ATP9B: variants seen among roughly 807,000 people sequenced by gnomAD.
ATP9B encodes the protein probable phospholipid-transporting ATPase IIB.
ATP9B carries 110 observed loss-of-function variants against 146.1 expected under a neutral mutation model. That is an observed-to-expected ratio of 0.75 (90% CI 0.65 to 0.88). The LOEUF (loss-of-function observed/expected upper bound fraction) is 0.88, where lower values mean the gene tolerates loss of function less well. ATP9B is among the 40% of genes least tolerant of loss of function. ATP9B has a pLI of 0.00. For missense variants in ATP9B, 1,499 were observed against 1,496.4 expected (o/e 1.00, Z -0.03); for synonymous variants, 604 against 569.7 (o/e 1.06, Z -0.86).
chr18:79,170,428 G>T (rs563521146), intron 7 of ATP9B, among the ~76,000 whole-genome samples: 5 of 152,282 alleles, frequency 3.3e-5, no homozygotes, highest in African/African-American at 7.2e-5. Flanking sequence ...GTTAAGTCCA[G>T]TTACTTGCAT....
chr18:79,182,301 G>T (rs1472976764), intron 8 of ATP9B, among the ~76,000 whole-genome samples: 2 of 152,126 alleles, frequency 1.3e-5, no homozygotes, highest in Non-Finnish European at 2.9e-5. Flanking sequence ...GTTCTCCTCC[G>T]GCCGGACATA....
chr18:79,178,408 G>T (rs1302483836), intron 8 of ATP9B, among the ~76,000 whole-genome samples: 1 of 152,102 alleles, frequency 6.6e-6, no homozygotes, highest in Non-Finnish European at 1.5e-5. Context: ...GTTGTTTTGT[G>T]TGCTTGTTTG....
rs563342674 is a variant in ATP9B, at chr18:79,313,243, A to G, written c.1773+6009A>G. On this transcript the variant is annotated intron_variant, in intron 15 of 29. Coordinates refer to ENST00000426216, the MANE Select transcript of ATP9B (RefSeq NM_198531.5). ...CTGAGCGAAGAGGCGTAGTTCCACA[A>G]TCATAAGCAAATATGGGCATTTAGA... Among the ~76,000 whole-genome samples, 7 of 152,356 alleles carry G rather than the reference A, an allele frequency of 4.6e-5. No homozygotes were observed. In the South Asian group the frequency reaches 1.5e-3, roughly 32 times the overall value.
At position 79,113,491 on chromosome 18, in the gene ATP9B, G is replaced by A. The variant is rs2094009530; in HGVS notation, c.558+137G>A. The A allele has an allele frequency of 6.8e-6, 4 of 589,130 alleles. No homozygotes were observed. In the South Asian group the frequency reaches 7.8e-5, roughly 11 times the overall value. 36.5% of individuals were successfully genotyped at this position (589,130 alleles called of 1,614,324 possible). A position where few individuals can be genotyped will look rare whatever the true frequency, so the allele number is the denominator to read the frequency against. On this transcript the variant is annotated intron_variant, in intron 4 of 29. Transcript: ENST00000426216. ...AGTGTTCACTGAACTTCTGTTAAAA[G>A]ATTTTGCTGAGTGATTTCAGTCCCT...
chr18:79,312,568 T>A (rs921729517), intron 15 of ATP9B, among the ~76,000 whole-genome samples: 4 of 152,222 alleles, frequency 2.6e-5, no homozygotes, highest in Non-Finnish European at 2.9e-5. Context: ...GCAGGCTTTA[T>A]CTTCCTTACG....
intron 18 of ATP9B, among the ~76,000 whole-genome samples, chr18:79,337,060 G>A (rs1004134112): frequency 6.6e-6 from 1 of 151,842 alleles, no homozygotes; most frequent in Admixed American, 6.6e-5. Context: ...CAGCTCTGTG[G>A]AGTACACACA....
At chr18:79,187,426 A>G (rs1424022126) in intron 8 of ATP9B, among the ~76,000 whole-genome samples, 2 of 152,204 alleles carry the variant, frequency 1.3e-5, no homozygotes, top group African/African-American at 4.8e-5. Context: ...AAAGGGGCAC[A>G]TGTCCTTTCG....
At chr18:79,091,937 G>A (rs1198680509) in intron 1 of ATP9B, among the ~76,000 whole-genome samples, 2 of 152,136 alleles carry the variant, frequency 1.3e-5, no homozygotes, top group African/African-American at 4.8e-5. Context: ...GGTGGTAGGT[G>A]CATACATATT....
intron 1 of ATP9B, among the ~76,000 whole-genome samples, chr18:79,079,688 G>T (rs1787270): frequency 0.14 from 20,923 of 152,094 alleles, 2,055 homozygotes; most frequent in African/African-American, 0.28. Flanking sequence ...TTGTTGTCAT[G>T]GCTTTTGGTG....
chr18:79,319,082 C>T (rs896641570), intron 15 of ATP9B, among the ~76,000 whole-genome samples: 3 of 152,172 alleles, frequency 2.0e-5, no homozygotes, highest in African/African-American at 4.8e-5. Context: ...ATTTCATTCA[C>T]ACCTGGTTGT....
intron 12 of ATP9B, among the ~76,000 whole-genome samples, chr18:79,276,568 C>T (rs1288266956): frequency 6.6e-6 from 1 of 152,210 alleles, no homozygotes; most frequent in Non-Finnish European, 1.5e-5. Context: ...CCCGCCTGCT[C>T]CATGTGTGTG....
chr18:79,145,460 C>G (rs11662912), intron 6 of ATP9B: 51 of 60,468 alleles, frequency 8.4e-4, no homozygotes, highest in Admixed American at 1.6e-3. Flanking sequence ...CATGTCGGGG[C>G]TGCTGGCGGT....
chr18:79,308,479 C>A (rs2096631418), intron 15 of ATP9B, among the ~76,000 whole-genome samples: 1 of 152,216 alleles, frequency 6.6e-6, no homozygotes, highest in Admixed American at 6.5e-5. Flanking sequence ...AGGAAGGAGC[C>A]ACGTCTATGA....
chr18:79,343,463 A>C (rs1341697921), intron 20 of ATP9B, among the ~76,000 whole-genome samples: 1 of 152,196 alleles, frequency 6.6e-6, no homozygotes. Flanking sequence ...TTTTGTTCTA[A>C]AACAAATGAT....
Position 79,154,494 on chromosome 18 carries a change from C to T in ATP9B, c.727-10C>T, listed in dbSNP as rs751528241. 1.3e-6 allele frequency: 2 copies of T among 1,529,474 alleles called. No homozygotes were observed. Among genetic ancestry groups the T allele is most frequent in the South Asian group, 1.3e-5 (1 of 74,782 alleles). 94.7% of individuals were successfully genotyped at this position (1,529,474 alleles called of 1,614,324 possible). A position where few individuals can be genotyped will look rare whatever the true frequency, so the allele number is the denominator to read the frequency against. ...TATAGATAATTAATCTTTTATAATG[C>T]TCTTTGCAGAATCAAAGAATTCCAT... On this transcript the variant is annotated splice_polypyrimidine_tract_variant and intron_variant, in intron 6 of 29. Transcript: ENST00000426216.
chr18:79,167,355 C>T (rs542105311), intron 7 of ATP9B, among the ~76,000 whole-genome samples: 2 of 152,162 alleles, frequency 1.3e-5, no homozygotes, highest in Non-Finnish European at 2.9e-5. Flanking sequence ...TCTCAGGAGA[C>T]GCTAAGTGGG....
At chr18:79,369,132 T>C (rs1272057047) in intron 26 of ATP9B, among the ~76,000 whole-genome samples, 1 of 152,208 alleles carries the variant, frequency 6.6e-6, no homozygotes, top group African/African-American at 2.4e-5. Flanking sequence ...TTTGTTGTTG[T>C]TGTTGTTCTA....
At chr18:79,349,249 A>G (rs113631806) in intron 25 of ATP9B, among the ~76,000 whole-genome samples, 3,043 of 152,356 alleles carry the variant, frequency 0.02, 44 homozygotes, top group Non-Finnish European at 0.031. Context: ...TGCAAAGCTC[A>G]TGCCCACCTT....
chr18:79,298,467 G>A lies in ATP9B; in HGVS notation c.1412-5137G>A, dbSNP rs757960394. 1.0e-4 allele frequency among the ~76,000 whole-genome samples: 15 copies of A among 146,634 alleles called. 2 individuals are homozygous for A. Among genetic ancestry groups the A allele is most frequent in the African/African-American group, 3.5e-4 (14 of 39,836 alleles). ...CTCATGAAAGAAACCAAAATAGACC[G>A]AAATAAACACAGTGATTTTGCTCAT... On this transcript the variant is annotated intron_variant, in intron 13 of 29. Transcript: ENST00000426216.
Sources: gnomAD v4.1 joint callset for allele counts (sites outside exome capture counted in the v4.1 genomes callset) on GRCh38, gnomAD v4.1.1 for gene constraint, MANE v1.5 for transcripts, NCBI Gene and HGNC (gene_info 2026-07-23, HGNC 2026-07-21) for gene names.